The following HCK variants were observed in gnomAD, a reference collection of about 807,000 sequenced individuals.
HCK encodes the protein HCK proto-oncogene, Src family tyrosine kinase.
In HCK, 40 loss-of-function variants were observed where a neutral mutation model predicts 70.4. The ratio of observed to expected loss-of-function variants is 0.57; its 90% CI spans 0.44 to 0.74. The LOEUF is 0.74. HCK is among the 30% of genes least tolerant of loss of function. HCK has a pLI of 0.00. For missense variants in HCK, 568 were observed against 697.2 expected (o/e 0.81, Z 2.09); for synonymous variants, 245 against 263.2 (o/e 0.93, Z 0.67).
intron 9 of HCK, among the ~76,000 whole-genome samples, chr20:32,088,345 C>G (rs1227699312): frequency 1.3e-5 from 2 of 152,198 alleles, no homozygotes; most frequent in African/African-American, 4.8e-5. Context: ...GGCTCAGGGG[C>G]TGTCTCAGTC....
At chr20:32,055,743 A>G (rs1010299620) in intron 1 of HCK, among the ~76,000 whole-genome samples, 1 of 152,232 alleles carries the variant, frequency 6.6e-6, no homozygotes, top group Non-Finnish European at 1.5e-5. Context: ...TATATTCACA[A>G]TGTTGTACAA....
At chr20:32,084,122 A>T in intron 7 of HCK, 79 bp downstream of exon 7, 1 of 1,473,444 alleles carries the variant, frequency 6.8e-7, no homozygotes, top group Non-Finnish European at 9.3e-7. Flanking sequence ...GTGGCCCCTG[A>T]GACCTGCTGT....
At chr20:32,083,639 TC>T (rs1343930968) in intron 6 of HCK, among the ~76,000 whole-genome samples, 3 of 152,166 alleles carry the variant, frequency 2.0e-5, no homozygotes, top group Admixed American at 6.5e-5. Context: ...TGAGAACTAT[TC>T]CCATTTTACA....
Position 32,084,441 on chromosome 20 carries a change from A to C in HCK, c.733A>C (p.Lys245Gln), listed in dbSNP as rs1203953837. The C allele has an allele frequency of 1.2e-6, 2 of 1,614,004 alleles. No individual in the cohort carries two copies. The highest frequency in any genetic ancestry group is 2.2e-5 in the East Asian group (1 of 44,878). ...ACTGTCGGTGCCCTGCATGTCTTCC[A>C]AGCCCCAGAAGCCTTGGGAGAAAGA... The change falls in exon 8 of 13, where the codon AAG becomes CAG. Residue 245 changes from lysine (K) to glutamine (Q), a missense_variant. Physicochemically the swap from Lys to Gln is moderately conservative, Grantham distance 53. Around this residue, in one of 4 missense-constraint regions of HCK, gnomAD observed 318 missense variants for 336.0 expected, o/e 0.95. Coordinates refer to ENST00000375852, the MANE Select transcript of HCK (RefSeq NM_002110.5).
Position 32,084,521 on chromosome 20 carries a change from G to A in HCK, c.813G>A (p.Gly271=). The change falls in exon 8 of 13, where the codon GGG becomes GGA. Residue 271 remains glycine, a synonymous_variant. Coordinates refer to ENST00000375852, the MANE Select transcript of HCK (RefSeq NM_002110.5). ...AGCTGGAGAAGAAACTTGGAGCTGG[G>A]CAGTTTGGGGAAGTCTGGATGGGTA... The A allele has an allele frequency of 1.2e-6, 2 of 1,614,016 alleles. No individual in the cohort carries two copies. The highest frequency in any genetic ancestry group is 1.7e-5 in the Admixed American group (1 of 60,012).
At chr20:32,054,849 T>C (rs917349891) in intron 1 of HCK, among the ~76,000 whole-genome samples, 2 of 152,198 alleles carry the variant, frequency 1.3e-5, no homozygotes, top group African/African-American at 2.4e-5. Flanking sequence ...GAGACTTTTC[T>C]GCAATTCTGA....
rs538593378 is a variant in HCK, at chr20:32,061,887, G to A, written c.62+9401G>A. On this transcript the variant is annotated intron_variant, in intron 1 of 12. Coordinates refer to ENST00000375852, the MANE Select transcript of HCK (RefSeq NM_002110.5). ...CTTGGGCTTTTACTCCAAGTGAGAC[G>A]GAAACCCTGGGTGGGGGTTGAGCAG... Among the ~76,000 whole-genome samples, 256 of 151,906 alleles carry A rather than the reference G, an allele frequency of 1.7e-3. 1 individual carries two copies. The highest frequency in any genetic ancestry group is 5.8e-3 in the African/African-American group (242 of 41,380).
intron 1 of HCK, among the ~76,000 whole-genome samples, chr20:32,052,765 GT>G (rs2122426197): frequency 6.7e-6 from 1 of 148,492 alleles, no homozygotes; most frequent in Non-Finnish European, 1.5e-5. Flanking sequence ...TCTCTGGGCC[GT>G]CCAGGTTCCC....
chr20:32,075,007 A>G (rs957030754), intron 5 of HCK, among the ~76,000 whole-genome samples: 1 of 152,326 alleles, frequency 6.6e-6, no homozygotes, highest in Non-Finnish European at 1.5e-5. Flanking sequence ...TTACACGTGC[A>G]TTCTCTGCCT....
chr20:32,093,974 C>T lies in HCK; in HGVS notation c.1204C>T (p.Leu402=). 1 of 1,613,908 alleles carries T rather than the reference C, an allele frequency of 6.2e-7. No homozygotes were observed. Among genetic ancestry groups the T allele is most frequent in the Non-Finnish European group, 8.5e-7 (1 of 1,179,960 alleles). The change falls in exon 11 of 13, where the codon CTG becomes TTG. Residue 402 remains leucine (L), a synonymous_variant. Coordinates refer to ENST00000375852, the MANE Select transcript of HCK (RefSeq NM_002110.5). ...GGTGTGTAAGATTGCTGACTTTGGC[C>T]TGGCCCGGGTCATTGAGGACAACGA...
chr20:32,101,481 T>A lies in HCK; in HGVS notation c.1543T>A (p.Tyr515Asn), dbSNP rs755269188. The A allele has an allele frequency of 1.2e-6, 2 of 1,613,742 alleles. No individual in the cohort carries two copies. The highest frequency in any genetic ancestry group is 2.7e-5 in the African/African-American group (2 of 74,904). ...CATCCAGAGTGTGCTGGATGACTTC[T>A]ACACGGCCACAGAGAGCCAGTACCA... The change falls in exon 13 of 13, where the codon TAC (tyrosine) becomes AAC (asparagine). Residue 515 changes from tyrosine (Y) to asparagine (N), a missense_variant. Physicochemically the swap from Tyr to Asn is moderately radical, Grantham distance 143 (BLOSUM62 -2). Transcript: ENST00000375852.
chr20:32,099,444 G>T (rs187172318), intron 12 of HCK, among the ~76,000 whole-genome samples: 1 of 133,498 alleles, frequency 7.5e-6, no homozygotes. Context: ...TGCAACCTCC[G>T]CCTCCCAGGT....
chr20:32,083,716 G>A (rs1600730242), intron 6 of HCK, among the ~76,000 whole-genome samples, 178 bp from the exon 7 acceptor site: 1 of 152,210 alleles, frequency 6.6e-6, no homozygotes, highest in South Asian at 2.1e-4. Context: ...GGTGGATGTG[G>A]TAGAGCCTGG....
At chr20:32,069,246 T>C (rs1405024914) in intron 1 of HCK, among the ~76,000 whole-genome samples, 1 of 152,220 alleles carries the variant, frequency 6.6e-6, no homozygotes, top group Non-Finnish European at 1.5e-5. Context: ...GGCCTTGGAT[T>C]GTGAATGAAC....
intron 1 of HCK, among the ~76,000 whole-genome samples, chr20:32,053,637 C>CAAA (rs1160849578): frequency 0.1 from 6,353 of 60,696 alleles, 670 homozygotes; most frequent in Admixed American, 0.19. Flanking sequence ...GACTCTGTCT[C>CAAA]AAAAAAAAAA....
intron 1 of HCK, among the ~76,000 whole-genome samples, chr20:32,057,902 G>T (rs2045297110): frequency 6.6e-6 from 1 of 152,148 alleles, no homozygotes; most frequent in Non-Finnish European, 1.5e-5. Flanking sequence ...GAAGCAGCCT[G>T]TGCTTAAGTG....
At chr20:32,094,289 G>A (rs1242013277) in intron 11 of HCK, among the ~76,000 whole-genome samples, 10 of 152,174 alleles carry the variant, frequency 6.6e-5, no homozygotes, top group Non-Finnish European at 4.4e-5. Context: ...GAGCAGCTTT[G>A]TGCATAACAG....
chr20:32,057,241 C>T (rs2045286046), intron 1 of HCK, among the ~76,000 whole-genome samples: 1 of 152,214 alleles, frequency 6.6e-6, no homozygotes, highest in Non-Finnish European at 1.5e-5. Flanking sequence ...CTCCACATCC[C>T]TATAGTCATT....
intron 1 of HCK, among the ~76,000 whole-genome samples, chr20:32,065,816 A>G (rs1397839996): frequency 2.0e-5 from 3 of 152,184 alleles, no homozygotes; most frequent in African/African-American, 7.2e-5. Flanking sequence ...AACTTCATGC[A>G]CTAAGTGGGA....
Sources: allele counts gnomAD v4.1 joint callset (sites outside exome capture counted in the v4.1 genomes callset), GRCh38; gene constraint gnomAD v4.1.1; regional missense constraint gnomAD v4.1.1; transcripts MANE v1.5; gene names NCBI Gene and HGNC (gene_info 2026-07-23, HGNC 2026-07-21).